NBEA: variants seen among roughly 807,000 people sequenced by gnomAD.
NBEA encodes the protein lysosomal-trafficking regulator 2.
In NBEA, 44 loss-of-function variants were observed where a neutral mutation model predicts 343.4. That is an observed-to-expected ratio of 0.13 (90% CI 0.10 to 0.16). The LOEUF (loss-of-function observed/expected upper bound fraction) is 0.16, where lower values mean the gene tolerates loss of function less well. Among genes scored for constraint, NBEA ranks in the 10% least tolerant of loss-of-function variants. NBEA has a pLI of 1.00. For missense variants in NBEA, 2,555 were observed against 3,631.3 expected, an observed-to-expected ratio of 0.70 and a Z score of 7.62; for synonymous variants, 1,175 against 1,238.7, an observed-to-expected ratio of 0.95 and a Z score of 1.08.
At chr13:35,395,029 G>GTT (rs2042678232) in intron 38 of NBEA, among the ~76,000 whole-genome samples, 1 of 151,914 alleles carries the variant, frequency 6.6e-6, no homozygotes. Flanking sequence ...GAAGTATGTT[G>GTT]TTTAAGTTTC....
intron 38 of NBEA, among the ~76,000 whole-genome samples, chr13:35,384,521 C>CTTTT (rs938208413): frequency 1.3e-4 from 16 of 119,044 alleles, no homozygotes; most frequent in Middle Eastern, 4.9e-3. Context: ...CTTGAATAAT[C>CTTTT]TTTTTTTTTT....
At chr13:34,943,582 G>C (rs1257759840) in intron 1 of NBEA, among the ~76,000 whole-genome samples, 3 of 152,178 alleles carry the variant, frequency 2.0e-5, no homozygotes, top group Non-Finnish European at 4.4e-5. Flanking sequence ...CTTCCAACTT[G>C]AGCAGCTGGG....
At chr13:35,512,659 G>A (rs183129296) in intron 41 of NBEA, among the ~76,000 whole-genome samples, 1 of 152,270 alleles carries the variant, frequency 6.6e-6, no homozygotes, top group African/African-American at 2.4e-5. Flanking sequence ...TGATATTTCA[G>A]CTTCAGTTCC....
chr13:35,415,958 T>A (rs1417050092), intron 38 of NBEA, among the ~76,000 whole-genome samples: 2 of 152,176 alleles, frequency 1.3e-5, no homozygotes, highest in African/African-American at 4.8e-5. Flanking sequence ...ACATCCCTTG[T>A]AAGTTGGATT....
intron 1 of NBEA, among the ~76,000 whole-genome samples, chr13:35,036,075 G>C (rs2062432007): frequency 6.6e-6 from 1 of 151,536 alleles, no homozygotes; most frequent in Non-Finnish European, 1.5e-5. Context: ...GTTGTTTTGT[G>C]GTCTTCTTTC....
chr13:35,562,001 G>A (rs964622055), intron 44 of NBEA, among the ~76,000 whole-genome samples: 15 of 152,002 alleles, frequency 9.9e-5, no homozygotes, highest in Admixed American at 2.6e-4. Flanking sequence ...AAGTCTAACC[G>A]TAAATATCAC....
intron 10 of NBEA, among the ~76,000 whole-genome samples, chr13:35,097,498 C>T (rs950915415): frequency 1.3e-5 from 2 of 151,692 alleles, no homozygotes; most frequent in African/African-American, 2.4e-5. Context: ...TATGTATTTC[C>T]GTTATTTAGA....
At chr13:35,164,742 A>G (rs1382368896) in intron 24 of NBEA, among the ~76,000 whole-genome samples, 1 of 152,194 alleles carries the variant, frequency 6.6e-6, no homozygotes, top group East Asian at 1.9e-4. Flanking sequence ...TCAGAAGAGT[A>G]TTGCATTCTT....
At chr13:35,515,700 GT>G (rs1403169574) in intron 41 of NBEA, among the ~76,000 whole-genome samples, 2 of 151,046 alleles carry the variant, frequency 1.3e-5, no homozygotes, top group Admixed American at 1.3e-4. Context: ...TTTATAAGCA[GT>G]TTTTACTCTC....
At chr13:35,400,172 GGGTTGC>G (rs1454529669) in intron 38 of NBEA, among the ~76,000 whole-genome samples, 2 of 139,226 alleles carry the variant, frequency 1.4e-5, no homozygotes, top group Non-Finnish European at 3.0e-5. Context: ...GCTAGATGCA[GGGTTGC>G]CACAACTCTT....
intron 40 of NBEA, among the ~76,000 whole-genome samples, chr13:35,460,861 G>T (rs1470459136): frequency 6.6e-6 from 1 of 152,246 alleles, no homozygotes; most frequent in African/African-American, 2.4e-5. Context: ...TGGAGACTGA[G>T]AAGTCCAAGG....
At chr13:35,055,643 C>G (rs1332246240) in intron 6 of NBEA, among the ~76,000 whole-genome samples, 2 of 152,082 alleles carry the variant, frequency 1.3e-5, no homozygotes, top group Non-Finnish European at 2.9e-5. Context: ...ATTTCTTTTA[C>G]TAGCTCATAA....
At chr13:35,359,728 C>T (rs2040699111) in intron 38 of NBEA, among the ~76,000 whole-genome samples, 1 of 151,676 alleles carries the variant, frequency 6.6e-6, no homozygotes, top group African/African-American at 2.4e-5. Flanking sequence ...TTTATTTTAG[C>T]TTTTTGGATA....
intron 1 of NBEA, among the ~76,000 whole-genome samples, chr13:34,963,122 C>T (rs1414073555): frequency 6.6e-6 from 1 of 151,900 alleles, no homozygotes; most frequent in Non-Finnish European, 1.5e-5. Context: ...TAACGTGAGT[C>T]TCTTGGGTTT....
Position 34,942,754 on chromosome 13 carries a change from A to T in NBEA, c.-67A>T. On this transcript the variant is annotated 5_prime_UTR_variant, in exon 1 of 59. Transcript: ENST00000379939. ...GGCGACGGCCGGGGGGCGGGGGCCG[A>T]GGCAGGTATAACGGTACCGGCGGCG... 8.3e-7 allele frequency: 1 copy of T among 1,204,972 alleles called. No homozygotes were observed. Among genetic ancestry groups the T allele is most frequent in the Non-Finnish European group, 1.0e-6 (1 of 959,060 alleles). The allele number at this position is 1,204,972 out of a possible 1,614,324, so 74.6% of individuals were successfully genotyped here. A position where few individuals can be genotyped will look rare whatever the true frequency, so the allele number is the denominator to read the frequency against.
chr13:35,623,842 T>C (rs1299017810), intron 48 of NBEA, among the ~76,000 whole-genome samples: 4 of 152,068 alleles, frequency 2.6e-5, no homozygotes. Context: ...TTCTACCAAA[T>C]TTTCAACAGA....
intron 38 of NBEA, among the ~76,000 whole-genome samples, chr13:35,397,089 A>G (rs1010849673): frequency 1.3e-5 from 2 of 152,148 alleles, no homozygotes; most frequent in Admixed American, 6.6e-5. Flanking sequence ...GTAAAAATTT[A>G]ATTTTATTAC....
intron 40 of NBEA, among the ~76,000 whole-genome samples, chr13:35,466,814 T>A (rs2075404144): frequency 6.6e-6 from 1 of 152,152 alleles, no homozygotes; most frequent in African/African-American, 2.4e-5. Context: ...GCTCTGAAAT[T>A]TTATCTGGAC....
At chr13:35,353,797 C>T (rs192722318) in intron 38 of NBEA, among the ~76,000 whole-genome samples, 1 of 152,264 alleles carries the variant, frequency 6.6e-6, no homozygotes, top group African/African-American at 2.4e-5. Context: ...CATAGTATCA[C>T]ACTGCTTGTA....
Sources: allele counts gnomAD v4.1 joint callset (sites outside exome capture counted in the v4.1 genomes callset), GRCh38; gene constraint gnomAD v4.1.1; transcripts MANE v1.5; gene names NCBI Gene and HGNC (gene_info 2026-07-23, HGNC 2026-07-21).